USP32: variants seen among roughly 807,000 people sequenced by gnomAD.
USP32 encodes ubiquitin carboxyl-terminal hydrolase 32.
A neutral mutation model predicts 204.8 loss-of-function variants in USP32; 59 were observed. The ratio of observed to expected loss-of-function variants is 0.29; its 90% CI spans 0.23 to 0.36. The LOEUF is 0.36. Among genes scored for constraint, USP32 ranks in the 10% least tolerant of loss-of-function variants. The pLI is 1.00. For missense variants in USP32, 1,160 were observed against 1,946.4 expected, an observed-to-expected ratio of 0.60 and a Z score of 7.60; for synonymous variants, 517 against 678.4, an observed-to-expected ratio of 0.76 and a Z score of 3.70.
At chr17:60,274,281 G>A (rs1015381848) in intron 5 of USP32, among the ~76,000 whole-genome samples, 1 of 152,070 alleles carries the variant, frequency 6.6e-6, no homozygotes, top group African/African-American at 2.4e-5. Context: ...AGAGGAAAAA[G>A]GCTAAAAACG....
At chr17:60,421,647 G>A in intron 1 of USP32, 2 of 950,028 alleles carry the variant, frequency 2.1e-6, no homozygotes, top group Non-Finnish European at 2.5e-6. Flanking sequence ...CCAGGGACGC[G>A]AGGGGGCGCT....
intron 5 of USP32, among the ~76,000 whole-genome samples, chr17:60,283,004 A>T (rs2087007874): frequency 6.6e-6 from 1 of 152,226 alleles, no homozygotes; most frequent in South Asian, 2.1e-4. Context: ...ATAGGGCAAA[A>T]AGCAAATTAA....
chr17:60,252,263 G>A (rs2086187994), intron 11 of USP32, 118 bp downstream of exon 11: 2 of 814,512 alleles, frequency 2.5e-6, no homozygotes, highest in East Asian at 2.9e-5. Flanking sequence ...ATTTCAATAT[G>A]TAACTATTTT....
chr17:60,335,062 A>C (rs1175532026), intron 2 of USP32, among the ~76,000 whole-genome samples: 1 of 142,668 alleles, frequency 7.0e-6, no homozygotes, highest in Admixed American at 6.8e-5. Flanking sequence ...TGCAGCCTCA[A>C]TCTCCCAGCC....
intron 12 of USP32, among the ~76,000 whole-genome samples, chr17:60,234,746 T>TA (rs1374436377): frequency 2.0e-5 from 3 of 151,680 alleles, no homozygotes; most frequent in Admixed American, 2.0e-4. Context: ...AAAAAAAATT[T>TA]TTTTTTGTTT....
In USP32 at chr17:60,213,475, A is replaced by C. The variant is rs2085023857; in HGVS notation, c.2104+106T>G. 9.1e-6 allele frequency: 5 copies of C among 550,228 alleles called. No individual in the cohort carries two copies. In the Admixed American group the frequency reaches 1.5e-4, roughly 16 times the overall value. The allele number at this position is 550,228 out of a possible 1,614,324, so 34.1% of individuals were successfully genotyped here. A position where few individuals can be genotyped will look rare whatever the true frequency, so the allele number is the denominator to read the frequency against. On this transcript the variant is annotated intron_variant, in intron 18 of 33. Coordinates refer to ENST00000300896, the MANE Select transcript of USP32 (RefSeq NM_032582.4). Reference sequence around the variant, plus strand: ...GGTTTCTTTATCATAAAAACATAATAATCAAATAATAGTTGTTTTGGAGAA... The same window carrying C: ...GGTTTCTTTATCATAAAAACATAATCATCAAATAATAGTTGTTTTGGAGAA...
At chr17:60,358,051 G>T (rs1037942797) in intron 1 of USP32, among the ~76,000 whole-genome samples, 1 of 152,160 alleles carries the variant, frequency 6.6e-6, no homozygotes, top group East Asian at 1.9e-4. Context: ...TTACAGGTGT[G>T]AGCCACCACA....
At chr17:60,296,517 A>G (rs1193530505) in intron 3 of USP32, among the ~76,000 whole-genome samples, 1 of 152,222 alleles carries the variant, frequency 6.6e-6, no homozygotes, top group Non-Finnish European at 1.5e-5. Context: ...CAGGTTTCAG[A>G]GAAAGCATGG....
At chr17:60,349,622 T>A (rs1167145592) in intron 1 of USP32, among the ~76,000 whole-genome samples, 2,108 of 66,138 alleles carry the variant, frequency 0.032, 48 homozygotes, top group Non-Finnish European at 0.037. Context: ...TATATATATA[T>A]ATTATATATA....
intron 9 of USP32, among the ~76,000 whole-genome samples, chr17:60,255,834 G>T (rs563281263): frequency 6.6e-6 from 1 of 152,144 alleles, no homozygotes; most frequent in African/African-American, 2.4e-5. Context: ...TTCTTTAAAA[G>T]GTTTAGGTAA....
At position 60,198,307 on chromosome 17, in the gene USP32, T is replaced by A; in HGVS notation, c.3387A>T (p.Leu1129Phe). 1 of 1,614,138 alleles carries A rather than the reference T, an allele frequency of 6.2e-7. No individual in the cohort carries two copies. Among genetic ancestry groups the A allele is most frequent in the Non-Finnish European group, 8.5e-7 (1 of 1,179,990 alleles). ...CTTCCTGAGGTGGGAGTGGGCTCGCTAACCGGGATACTTGAATCCAAACCG... is the reference window on the plus strand; with the variant it reads ...CTTCCTGAGGTGGGAGTGGGCTCGCAAACCGGGATACTTGAATCCAAACCG... Reference protein sequence around the residue: ...YDAVWIQVSRLASPLPPQEAS... With the variant: ...YDAVWIQVSRFASPLPPQEAS... Residue 1129 changes from leucine (L) to phenylalanine (F), a missense_variant, in exon 27 of 34, where the codon TTA (leucine) becomes TTT (phenylalanine). Coordinates refer to ENST00000300896, the MANE Select transcript of USP32 (RefSeq NM_032582.4).
intron 13 of USP32, 62 bp from the exon 14 acceptor site, chr17:60,223,648 G>C: frequency 7.0e-7 from 1 of 1,431,354 alleles, no homozygotes; most frequent in South Asian, 1.4e-5. Flanking sequence ...ACAGGCTTGA[G>C]GATATGAACT....
chr17:60,253,164 G>A (rs1218876975), intron 10 of USP32, among the ~76,000 whole-genome samples: 1 of 152,080 alleles, frequency 6.6e-6, no homozygotes, highest in Non-Finnish European at 1.5e-5. Context: ...AAATAGGAAA[G>A]GCAATACCAA....
At chr17:60,398,121 T>C (rs2089911592) in intron 1 of USP32, among the ~76,000 whole-genome samples, 1 of 152,184 alleles carries the variant, frequency 6.6e-6, no homozygotes, top group Non-Finnish European at 1.5e-5. Context: ...TCCAAGCACT[T>C]TGGGCAGCCA....
chr17:60,413,047 GAA>G (rs561928820), intron 1 of USP32, among the ~76,000 whole-genome samples: 1 of 150,536 alleles, frequency 6.6e-6, no homozygotes, highest in Non-Finnish European at 1.5e-5. Flanking sequence ...ATTGCTACAG[GAA>G]AAAAAAAGTG....
chr17:60,308,457 G>C (rs2087779663), intron 2 of USP32, among the ~76,000 whole-genome samples: 1 of 152,160 alleles, frequency 6.6e-6, no homozygotes, highest in Non-Finnish European at 1.5e-5. Context: ...AACCTTTCCA[G>C]TATCAATACT....
intron 1 of USP32, among the ~76,000 whole-genome samples, chr17:60,364,597 A>T (rs1267109185): frequency 2.0e-5 from 3 of 152,128 alleles, no homozygotes; most frequent in Admixed American, 6.6e-5. Flanking sequence ...GACTGGTCTC[A>T]AACTCCTGGC....
At position 60,208,683 on chromosome 17, in the gene USP32, A is replaced by G; in HGVS notation, c.2744T>C (p.Met915Thr). 6.3e-7 allele frequency: 1 copy of G among 1,580,104 alleles called. No homozygotes were observed. The highest frequency in any genetic ancestry group is 8.6e-7 in the Non-Finnish European group (1 of 1,163,526). The change falls in exon 23 of 34, where the codon ATG (methionine) becomes ACG (threonine). Residue 915 changes from methionine (M) to threonine (T), a missense_variant. Met to Thr is a moderately conservative substitution (Grantham distance 81). Coordinates refer to ENST00000300896, the MANE Select transcript of USP32 (RefSeq NM_032582.4). The stretch of plus-strand genomic sequence containing the variant: ...TATTTCTAAGTGCATATAACTGTCC[A>G]TTGGTAGTGGCAAAGACAAAAAATT... ...PFNFLSLPLPMDSYMHLEITV... is the reference protein window; with the variant it reads ...PFNFLSLPLPTDSYMHLEITV...
intron 1 of USP32, among the ~76,000 whole-genome samples, chr17:60,382,847 C>A (rs1416666104): frequency 6.6e-6 from 1 of 151,898 alleles, no homozygotes; most frequent in East Asian, 1.9e-4. Flanking sequence ...CAATACTTAC[C>A]CCATACTAAT....
Sources: allele counts gnomAD v4.1 joint callset (sites outside exome capture counted in the v4.1 genomes callset), GRCh38; gene constraint gnomAD v4.1.1; transcripts MANE v1.5; gene names NCBI Gene and HGNC (gene_info 2026-07-23, HGNC 2026-07-21).